The following CCSER2 variants were observed in gnomAD, a reference collection of about 807,000 sequenced individuals.
CCSER2 encodes coiled-coil serine rich protein 2.
CCSER2 carries 46 observed loss-of-function variants against 92.3 expected under a neutral mutation model. The observed-to-expected ratio is 0.50, with a 90% CI of 0.39 to 0.64. CCSER2 has a LOEUF of 0.64. CCSER2 is among the 30% of genes least tolerant of loss of function. The pLI is 0.00. For synonymous variants in CCSER2, 433 were observed against 431.4 expected (o/e 1.00, Z -0.04); for missense variants, 1,244 against 1,238.9 (o/e 1.00, Z -0.06).
chr10:84,384,213 A>C (rs1327747929), intron 3 of CCSER2, among the ~76,000 whole-genome samples: 1 of 152,246 alleles, frequency 6.6e-6, no homozygotes, highest in Non-Finnish European at 1.5e-5. Context: ...AGCTGGCATC[A>C]ATCTTACTGA....
chr10:84,344,899 A>G (rs896866383), intron 1 of CCSER2, among the ~76,000 whole-genome samples: 1 of 152,200 alleles, frequency 6.6e-6, no homozygotes, highest in Non-Finnish European at 1.5e-5. Context: ...CTAAGTTTCA[A>G]TTTCCTTAAA....
chr10:84,490,650 T>A (rs1050140342), intron 9 of CCSER2, among the ~76,000 whole-genome samples: 2 of 152,218 alleles, frequency 1.3e-5, no homozygotes, highest in Non-Finnish European at 2.9e-5. Flanking sequence ...TCTAATCTTT[T>A]CTCAAGGTTG....
chr10:84,422,448 C>A (rs1166083915), intron 4 of CCSER2, among the ~76,000 whole-genome samples: 2 of 152,194 alleles, frequency 1.3e-5, no homozygotes, highest in African/African-American at 2.4e-5. Context: ...AAATTTGGTG[C>A]TTGACTTCCC....
chr10:84,513,068 G>A (rs781420361), intron 9 of CCSER2, among the ~76,000 whole-genome samples: 4 of 151,988 alleles, frequency 2.6e-5, no homozygotes, highest in Non-Finnish European at 4.4e-5. Flanking sequence ...GAAGGTCACC[G>A]TTAACACCTG....
In CCSER2 at chr10:84,364,120, G is replaced by A. The variant is rs142871132; in HGVS notation, c.-39-6894G>A. Among the ~76,000 whole-genome samples, 65 of 152,276 alleles carry A rather than the reference G, an allele frequency of 4.3e-4. No homozygotes were observed. In the East Asian group the frequency reaches 9.6e-3, roughly 23 times the overall value. ...TATACCAGTATGGGGCACTTGAATGGAGCTTACAGGACTGAAAGTTGCTCT... is the reference window on the plus strand; with the variant it reads ...TATACCAGTATGGGGCACTTGAATGAAGCTTACAGGACTGAAAGTTGCTCT... On this transcript the variant is annotated intron_variant, in intron 1 of 9. Coordinates refer to ENST00000372088, the MANE Select transcript of CCSER2 (RefSeq NM_001284240.2).
intron 1 of CCSER2, among the ~76,000 whole-genome samples, chr10:84,370,509 C>T (rs1262492953): frequency 6.6e-6 from 1 of 151,994 alleles, no homozygotes; most frequent in Non-Finnish European, 1.5e-5. Context: ...ATCTTGGAAT[C>T]TTTTGGAGGA....
intron 9 of CCSER2, among the ~76,000 whole-genome samples, chr10:84,508,611 G>A (rs1469238806): frequency 6.6e-6 from 1 of 152,142 alleles, no homozygotes; most frequent in Admixed American, 6.5e-5. Context: ...AAACTTGCAT[G>A]TCTTTGCTCT....
intron 3 of CCSER2, among the ~76,000 whole-genome samples, chr10:84,414,707 A>G (rs1041703777): frequency 2.6e-5 from 4 of 151,976 alleles, no homozygotes; most frequent in Non-Finnish European, 5.9e-5. Flanking sequence ...CTTGCTACAC[A>G]GGGGAAGTTC....
chr10:84,501,834 A>AAATATATATATAT (rs1167460274), intron 9 of CCSER2, among the ~76,000 whole-genome samples: 4 of 40,168 alleles, frequency 1.0e-4, no homozygotes, highest in Non-Finnish European at 3.3e-4. Context: ...AAAAAAAAAA[A>AAATATATATATAT]ATATATATAT....
At chr10:84,360,754 T>C (rs1472624109) in intron 1 of CCSER2, among the ~76,000 whole-genome samples, 1 of 152,194 alleles carries the variant, frequency 6.6e-6, no homozygotes, top group Admixed American at 6.5e-5. Context: ...GCCTTACCTT[T>C]GATATGTTGG....
chr10:84,333,030 C>T (rs1194440415), intron 1 of CCSER2, among the ~76,000 whole-genome samples: 5 of 151,848 alleles, frequency 3.3e-5, no homozygotes, highest in Non-Finnish European at 7.4e-5. Flanking sequence ...TTTTTCTGAA[C>T]TTAAATAGGA....
chr10:84,345,834 A>G (rs777843866), intron 1 of CCSER2, among the ~76,000 whole-genome samples: 20 of 152,184 alleles, frequency 1.3e-4, no homozygotes, highest in Non-Finnish European at 2.5e-4. Context: ...TAATTATTGA[A>G]GTAAACAAGA....
At chr10:84,422,455 TC>T (rs1475075606) in intron 4 of CCSER2, among the ~76,000 whole-genome samples, 1 of 152,208 alleles carries the variant, frequency 6.6e-6, no homozygotes, top group Non-Finnish European at 1.5e-5. Context: ...GTGCTTGACT[TC>T]CCCCTCAGAA....
chr10:84,443,362 G>T lies in CCSER2; in HGVS notation c.2064+4655G>T, dbSNP rs150259200. On this transcript the variant is annotated intron_variant, in intron 6 of 9. Coordinates refer to ENST00000372088, the MANE Select transcript of CCSER2 (RefSeq NM_001284240.2). ...TATGAACAGACACTTCTCGAAAGAAGACAATTATGCAGCCAACAAACATGA... is the reference window on the plus strand; with the variant it reads ...TATGAACAGACACTTCTCGAAAGAATACAATTATGCAGCCAACAAACATGA... Among the ~76,000 whole-genome samples the T allele has an allele frequency of 3.0e-3, 460 of 152,238 alleles. 4 individuals carry two copies. Among genetic ancestry groups the T allele is most frequent in the African/African-American group, 0.011 (438 of 41,534 alleles).
rs1314488696 is a variant in CCSER2, at chr10:84,450,896, G to A, written c.2064+12189G>A. ...AAAGATTGTGTAAGATACAATCTGAGTGTATAATAAATTGTGTGTTGTATA... is the reference window on the plus strand; with the variant it reads ...AAAGATTGTGTAAGATACAATCTGAATGTATAATAAATTGTGTGTTGTATA... On this transcript the variant is annotated intron_variant, in intron 6 of 9. Transcript: ENST00000372088. 2.6e-5 allele frequency among the ~76,000 whole-genome samples: 4 copies of A among 152,288 alleles called. No individual in the cohort carries two copies. In the South Asian group the frequency reaches 8.3e-4, roughly 32 times the overall value.
chr10:84,418,142 T>G (rs1185095005), intron 4 of CCSER2, among the ~76,000 whole-genome samples: 1 of 152,194 alleles, frequency 6.6e-6, no homozygotes, highest in Non-Finnish European at 1.5e-5. Flanking sequence ...ATGTACCCAG[T>G]TTTTCCTCCC....
intron 9 of CCSER2, among the ~76,000 whole-genome samples, chr10:84,487,471 GT>G (rs1175343992): frequency 5.3e-5 from 8 of 152,174 alleles, no homozygotes; most frequent in Admixed American, 5.2e-4. Flanking sequence ...TCCCTTGTAA[GT>G]TGGATTCCTA....
chr10:84,371,460 G>T lies in CCSER2; in HGVS notation c.408G>T (p.Glu136Asp). Residue 136 changes from glutamate to aspartate, a missense_variant, in exon 2 of 10, where the codon GAG (glutamate) becomes GAT (aspartate). Glu to Asp is a conservative substitution (Grantham distance 45). Transcript: ENST00000372088. ...KPSTMFVSST[E>D]ELNQKSFSGP... The stretch of plus-strand genomic sequence containing the variant: ...CCACTATGTTTGTGTCATCTACAGA[G>T]GAGTTAAACCAAAAGTCTTTTTCTG... The T allele has an allele frequency of 6.2e-7, 1 of 1,613,788 alleles. No individual in the cohort carries two copies. The highest frequency in any genetic ancestry group is 8.5e-7 in the Non-Finnish European group (1 of 1,179,868).
rs544516126 is a variant in CCSER2, at chr10:84,433,607, G to A, written c.1869-4905G>A. Among the ~76,000 whole-genome samples the A allele has an allele frequency of 2.0e-5, 3 of 152,298 alleles. No homozygotes were observed. In the East Asian group the frequency reaches 5.8e-4, roughly 29 times the overall value. ...TAAAGTTATTTGTAAGTATATGGGT[G>A]TAGCCATAGAATTTGGAGAAATTCC... On this transcript the variant is annotated intron_variant, in intron 5 of 9. Transcript: ENST00000372088.
Sources: gnomAD v4.1 joint callset for allele counts (sites outside exome capture counted in the v4.1 genomes callset) on GRCh38, gnomAD v4.1.1 for gene constraint, MANE v1.5 for transcripts, NCBI Gene and HGNC (gene_info 2026-07-23, HGNC 2026-07-21) for gene names.